Variants in DGKI observed in about 807,000 individuals in gnomAD.
The protein encoded by DGKI is diacylglycerol kinase iota, also known as DAG kinase iota.
Under a neutral mutation model 147.5 loss-of-function variants are expected in DGKI, and 55 were observed. That is an observed-to-expected ratio of 0.37 (90% CI 0.30 to 0.47). The LOEUF (loss-of-function observed/expected upper bound fraction) is 0.47. Among genes scored for constraint, DGKI ranks in the 20% least tolerant of loss-of-function variants. The probability of loss-of-function intolerance (pLI) is 1.00; values close to 1 mark genes in which losing one functional copy is unlikely to be tolerated. For synonymous variants in DGKI, 469 were observed against 477.1 expected (o/e 0.98, Z 0.22); for missense variants, 1,007 against 1,323.8 (o/e 0.76, Z 3.71).
At chr7:137,663,700 T>C (rs1296276631) in intron 3 of DGKI, among the ~76,000 whole-genome samples, 1 of 152,088 alleles carries the variant, frequency 6.6e-6, no homozygotes, top group Non-Finnish European at 1.5e-5. Context: ...GAGCTGTCTA[T>C]GAGGAGCTTC....
intron 28 of DGKI, among the ~76,000 whole-genome samples, chr7:137,417,470 C>T (rs1269616150): frequency 6.6e-6 from 1 of 152,182 alleles, no homozygotes; most frequent in Non-Finnish European, 1.5e-5. Flanking sequence ...ACTGAGAAGT[C>T]AAGACTTCCA....
At chr7:137,717,027 T>TGGTAGAATATGGTAA (rs1794396440) in intron 1 of DGKI, among the ~76,000 whole-genome samples, 2 of 152,230 alleles carry the variant, frequency 1.3e-5, no homozygotes, top group East Asian at 1.9e-4. Context: ...ATTCTACTTG[T>TGGTAGAATATGGTAA]ACTATATGGT....
At chr7:137,508,448 G>C (rs1816449597) in intron 21 of DGKI, among the ~76,000 whole-genome samples, 1 of 151,894 alleles carries the variant, frequency 6.6e-6, no homozygotes, top group African/African-American at 2.4e-5. Flanking sequence ...GGATGGTCTT[G>C]ATCTCCTGAC....
intron 12 of DGKI, among the ~76,000 whole-genome samples, chr7:137,595,269 A>G (rs1479826624): frequency 6.6e-6 from 1 of 152,258 alleles, no homozygotes; most frequent in Non-Finnish European, 1.5e-5. Context: ...CAGAGAGATC[A>G]CAGACATTCG....
At chr7:137,694,471 C>T (rs1355936061) in intron 1 of DGKI, among the ~76,000 whole-genome samples, 1 of 152,174 alleles carries the variant, frequency 6.6e-6, no homozygotes, top group East Asian at 1.9e-4. Flanking sequence ...TATCTATCCT[C>T]ATCTTGCCAG....
At chr7:137,520,237 A>T (rs1816915698) in intron 21 of DGKI, among the ~76,000 whole-genome samples, 1 of 152,098 alleles carries the variant, frequency 6.6e-6, no homozygotes, top group Non-Finnish European at 1.5e-5. Flanking sequence ...TTCAGAGTTG[A>T]TCGTAAGCTG....
intron 1 of DGKI, among the ~76,000 whole-genome samples, chr7:137,842,952 G>A (rs1024387536): frequency 1.3e-5 from 2 of 152,130 alleles, no homozygotes; most frequent in African/African-American, 4.8e-5. Flanking sequence ...CATGGACAGA[G>A]AGCTCAAGCC....
intron 3 of DGKI, among the ~76,000 whole-genome samples, chr7:137,676,478 A>C (rs1187079457): frequency 6.6e-6 from 1 of 152,170 alleles, no homozygotes; most frequent in Non-Finnish European, 1.5e-5. Flanking sequence ...CCCTCAAAAC[A>C]GTGTTTCCCC....
chr7:137,731,542 C>T (rs1049312087), intron 1 of DGKI, among the ~76,000 whole-genome samples: 3 of 152,056 alleles, frequency 2.0e-5, no homozygotes, highest in African/African-American at 4.8e-5. Context: ...CACCACCATA[C>T]GTAGTAAACC....
intron 1 of DGKI, among the ~76,000 whole-genome samples, chr7:137,838,617 C>T (rs1585555275): frequency 1.3e-5 from 2 of 152,200 alleles, no homozygotes; most frequent in East Asian, 3.9e-4. Context: ...TATTTTCTGG[C>T]TATTTCCTGA....
At chr7:137,442,484 T>C (rs552245894) in intron 28 of DGKI, among the ~76,000 whole-genome samples, 3 of 152,266 alleles carry the variant, frequency 2.0e-5, no homozygotes, top group South Asian at 2.1e-4. Flanking sequence ...GGAATCCTAG[T>C]TCAAAATAAA....
chr7:137,455,653 G>GGGGGGT, intron 27 of DGKI, among the ~76,000 whole-genome samples: 1 of 99,438 alleles, frequency 1.0e-5, no homozygotes, highest in African/African-American at 3.5e-5. Context: ...GGGGGGGCGG[G>GGGGGGT]GAATGTGGTC....
rs185954329 is a variant in DGKI, at chr7:137,750,174, G to A, written c.402-60172C>T. ...AATAAAGAAGAAAGATACCCTTGTCGTAGAGGAGCCAGGGTGAAGGTTCTA... is the reference window on the plus strand; with the variant it reads ...AATAAAGAAGAAAGATACCCTTGTCATAGAGGAGCCAGGGTGAAGGTTCTA... On this transcript the variant is annotated intron_variant, in intron 1 of 32. Coordinates refer to ENST00000614521, the MANE Select transcript of DGKI (RefSeq NM_001321708.2). 2.0e-3 allele frequency among the ~76,000 whole-genome samples: 302 copies of A among 152,272 alleles called. 2 individuals carry two copies. Among genetic ancestry groups the A allele is most frequent in the African/African-American group, 7.0e-3 (289 of 41,550 alleles).
At chr7:137,587,862 T>A (rs1398284017) in intron 12 of DGKI, among the ~76,000 whole-genome samples, 3 of 152,174 alleles carry the variant, frequency 2.0e-5, no homozygotes, top group African/African-American at 7.2e-5. Flanking sequence ...CTATTATAAG[T>A]TTAGGCAGGA....
intron 1 of DGKI, among the ~76,000 whole-genome samples, chr7:137,822,558 T>C (rs909458767): frequency 2.0e-5 from 3 of 152,124 alleles, no homozygotes; most frequent in African/African-American, 7.2e-5. Flanking sequence ...GACCCCACGG[T>C]GAAGCATAAG....
rs574282637 is a variant in DGKI, at chr7:137,721,787, C to T, written c.402-31785G>A. Among the ~76,000 whole-genome samples, 7 of 152,318 alleles carry T rather than the reference C, an allele frequency of 4.6e-5. No homozygotes were observed. In the East Asian group the frequency reaches 1.2e-3, roughly 25 times the overall value. On this transcript the variant is annotated intron_variant, in intron 1 of 32. Transcript: ENST00000614521. ...GGTTCAGCTCTTACCCTCTTATATG[C>T]CCAGTCTGTGCCCTGGTTACACTAA... is the stretch of plus-strand genomic sequence containing the variant.
At chr7:137,509,335 A>C (rs1237491694) in intron 21 of DGKI, among the ~76,000 whole-genome samples, 2 of 152,196 alleles carry the variant, frequency 1.3e-5, no homozygotes, top group African/African-American at 4.8e-5. Flanking sequence ...AAGCGAATAC[A>C]GTCAATGAGC....
chr7:137,627,180 A>G (rs1820971782), intron 6 of DGKI, among the ~76,000 whole-genome samples: 1 of 152,182 alleles, frequency 6.6e-6, no homozygotes, highest in African/African-American at 2.4e-5. Context: ...TTTTGCTTCC[A>G]CTAAAAAATC....
intron 23 of DGKI, among the ~76,000 whole-genome samples, chr7:137,475,396 T>G (rs1160071753): frequency 1.3e-5 from 2 of 152,194 alleles, no homozygotes; most frequent in Non-Finnish European, 2.9e-5. Flanking sequence ...GATATTGTCT[T>G]CAAGGCTGAA....
Sources: allele counts gnomAD v4.1 joint callset (sites outside exome capture counted in the v4.1 genomes callset), GRCh38; gene constraint gnomAD v4.1.1; transcripts MANE v1.5; gene names NCBI Gene and HGNC (gene_info 2026-07-23, HGNC 2026-07-21).